The following CALN1 variants were observed in gnomAD, a reference collection of about 807,000 sequenced individuals.
The protein encoded by CALN1 is calneuron 1, also known as calcium-binding protein 8.
A neutral mutation model predicts 30.6 loss-of-function variants in CALN1; 17 were observed. The ratio of observed to expected loss-of-function variants is 0.56; its 90% CI spans 0.38 to 0.83. The LOEUF (loss-of-function observed/expected upper bound fraction) is 0.83, where lower values mean the gene tolerates loss of function less well. Among genes scored for constraint, CALN1 ranks in the 40% least tolerant of loss-of-function variants. CALN1 has a pLI of 0.00. For synonymous variants in CALN1, 156 were observed against 131.4 expected (o/e 1.19, Z -1.28); for missense variants, 291 against 354.9 (o/e 0.82, Z 1.45).
intron 3 of CALN1, among the ~76,000 whole-genome samples, chr7:72,219,289 G>A (rs965741885): frequency 1.8e-4 from 27 of 152,128 alleles, no homozygotes; most frequent in Admixed American, 1.6e-3. Flanking sequence ...GCAGTGGCAT[G>A]ATCATATCTC....
chr7:72,375,774 G>A (rs377430269), intron 2 of CALN1, among the ~76,000 whole-genome samples: 2 of 152,022 alleles, frequency 1.3e-5, no homozygotes, highest in Non-Finnish European at 2.9e-5. Context: ...GACTCACTGT[G>A]CCTGGTCTAA....
intron 3 of CALN1, among the ~76,000 whole-genome samples, chr7:72,124,241 A>C (rs1808588325): frequency 6.6e-6 from 1 of 152,222 alleles, no homozygotes; most frequent in African/African-American, 2.4e-5. Flanking sequence ...AATCTATTGG[A>C]GAAAACAGGA....
chr7:71,981,123 T>TA (rs1256509482), intron 5 of CALN1, among the ~76,000 whole-genome samples: 6 of 152,196 alleles, frequency 3.9e-5, no homozygotes, highest in Non-Finnish European at 7.4e-5. Context: ...TATTAGTTTT[T>TA]ATCCATGGTT....
intron 1 of CALN1, among the ~76,000 whole-genome samples, chr7:72,410,255 T>C (rs1256111828): frequency 4.6e-5 from 7 of 152,214 alleles, no homozygotes; most frequent in Admixed American, 1.3e-4. Flanking sequence ...TTATGAGCAA[T>C]GAAGTCTCAT....
chr7:71,887,354 G>C (rs1176639825), intron 5 of CALN1, among the ~76,000 whole-genome samples: 1 of 152,172 alleles, frequency 6.6e-6, no homozygotes, highest in Non-Finnish European at 1.5e-5. Context: ...GGCATGCAAT[G>C]GTACAATCTC....
At chr7:72,481,722 T>C in the CALN1 span, among the ~76,000 whole-genome samples, 5 of 152,238 alleles carry the variant, frequency 3.3e-5, no homozygotes, top group Non-Finnish European at 7.3e-5. Flanking sequence ...CCGTGGGTTT[T>C]TTAAAAGTGT....
At chr7:72,025,758 G>C (rs1525130) in intron 4 of CALN1, among the ~76,000 whole-genome samples, 9,155 of 152,264 alleles carry the variant, frequency 0.06, 302 homozygotes, top group Non-Finnish European at 0.075. Context: ...ACAAGAGTTT[G>C]TCCAAATGCC....
chr7:71,910,492 T>A (rs1237519337), intron 5 of CALN1, among the ~76,000 whole-genome samples: 1 of 152,218 alleles, frequency 6.6e-6, no homozygotes, highest in Non-Finnish European at 1.5e-5. Flanking sequence ...CTGTCCTGCA[T>A]CCACACCTAA....
chr7:72,201,185 A>C (rs1791389248), intron 3 of CALN1, among the ~76,000 whole-genome samples: 1 of 152,222 alleles, frequency 6.6e-6, no homozygotes. Context: ...ACAGAAAACC[A>C]AATGCTGCAT....
chr7:72,410,402 T>C (rs950929541), intron 1 of CALN1, among the ~76,000 whole-genome samples: 4 of 152,238 alleles, frequency 2.6e-5, no homozygotes, highest in Non-Finnish European at 5.9e-5. Context: ...GTCCATGGAA[T>C]TCCTTGAAAG....
intron 3 of CALN1, among the ~76,000 whole-genome samples, chr7:72,207,374 C>T (rs1166115261): frequency 1.3e-5 from 2 of 152,182 alleles, no homozygotes; most frequent in Non-Finnish European, 2.9e-5. Context: ...TGAACACCCT[C>T]ATTGGCCAAC....
chr7:72,079,386 A>C (rs960982594), intron 4 of CALN1, among the ~76,000 whole-genome samples: 3 of 152,184 alleles, frequency 2.0e-5, no homozygotes, highest in Non-Finnish European at 2.9e-5. Flanking sequence ...CAAGGTGTTA[A>C]TTTGACCAGG....
chr7:72,053,214 AGC>A (rs1802951576), intron 4 of CALN1, among the ~76,000 whole-genome samples: 1 of 152,232 alleles, frequency 6.6e-6, no homozygotes, highest in Non-Finnish European at 1.5e-5. Flanking sequence ...TGGGTGACAG[AGC>A]GAGACTCTGT....
At position 71,962,495 on chromosome 7, in the gene CALN1, T is replaced by C. The variant is rs113109500; in HGVS notation, c.501+61162A>G. ...CGAACTGCTGGCAAAAGCCATGCCA[T>C]ATTTGAGCCCTCTGCATTTGCTACC... On this transcript the variant is annotated intron_variant, in intron 5 of 6. Transcript: ENST00000395275. Among the ~76,000 whole-genome samples the C allele has an allele frequency of 6.2e-3, 949 of 152,300 alleles. 10 individuals carry two copies. The highest frequency in any genetic ancestry group is 0.022 in the African/African-American group (914 of 41,566).
chr7:72,090,727 C>T (rs907855230), intron 4 of CALN1, among the ~76,000 whole-genome samples: 9 of 152,110 alleles, frequency 5.9e-5, no homozygotes, highest in African/African-American at 2.2e-4. Context: ...CACATTTACA[C>T]AGTGGAATAT....
intron 3 of CALN1, among the ~76,000 whole-genome samples, chr7:72,149,880 G>A (rs966830721): frequency 2.0e-5 from 3 of 151,938 alleles, no homozygotes; most frequent in African/African-American, 7.3e-5. Flanking sequence ...TTGAGACATG[G>A]AGGCGGGCAG....
intron 4 of CALN1, among the ~76,000 whole-genome samples, chr7:72,035,367 CCT>C (rs1801733533): frequency 6.9e-6 from 1 of 145,958 alleles, no homozygotes; most frequent in African/African-American, 2.6e-5. Flanking sequence ...AGAATCATGT[CCT>C]TTTTGTGTCT....
chr7:72,048,761 C>T (rs1346897957), intron 4 of CALN1, among the ~76,000 whole-genome samples: 1 of 150,596 alleles, frequency 6.6e-6, no homozygotes, highest in Admixed American at 6.6e-5. Context: ...TCCTTCCTTT[C>T]CTCCCTGCCT....
intron 3 of CALN1, among the ~76,000 whole-genome samples, chr7:72,207,163 G>C (rs556367543): frequency 6.6e-6 from 1 of 152,280 alleles, no homozygotes; most frequent in South Asian, 2.1e-4. Context: ...ATTTGAGCTG[G>C]TCTTTCTACA....
Sources: gnomAD v4.1 joint callset for allele counts (sites outside exome capture counted in the v4.1 genomes callset) on GRCh38, gnomAD v4.1.1 for gene constraint, MANE v1.5 for transcripts, NCBI Gene and HGNC (gene_info 2026-07-23, HGNC 2026-07-21) for gene names.